The following PTPRD variants were observed in gnomAD, a reference collection of about 807,000 sequenced individuals.
The protein encoded by PTPRD is protein tyrosine phosphatase receptor type D.
PTPRD carries 34 observed loss-of-function variants against 214.5 expected under a neutral mutation model. That is an observed-to-expected ratio of 0.16 (90% CI 0.12 to 0.21). The LOEUF is 0.21. Ranked by LOEUF, PTPRD falls within the 10% of genes least tolerant of loss-of-function variation. The pLI is 1.00. For missense variants in PTPRD, 2,545 were observed against 2,398.7 expected (o/e 1.06, Z -1.27); for synonymous variants, 1,128 against 845.7 (o/e 1.33, Z -5.79).
intron 34 of PTPRD, among the ~76,000 whole-genome samples, chr9:8,444,847 G>C (rs1400081158): frequency 6.6e-6 from 1 of 152,114 alleles, no homozygotes; most frequent in Non-Finnish European, 1.5e-5. Context: ...CTTGCAAATG[G>C]GGCTAACACA....
intron 5 of PTPRD, among the ~76,000 whole-genome samples, chr9:9,914,440 T>A (rs1291108190): frequency 1.3e-5 from 2 of 152,154 alleles, no homozygotes; most frequent in East Asian, 1.9e-4. Flanking sequence ...TGTAGCCACG[T>A]CAGGGGCCTA....
chr9:8,518,131 G>T lies in PTPRD; in HGVS notation c.1260C>A (p.Ala420=), dbSNP rs911650043. The part of the protein sequence containing the change: ...TQTSEQAPSS[A]PRDVQARMLS... Reference sequence around the variant, plus strand: ...ACATTCGTGCCTGGACATCCCTCGGGGCACTGGATGGTGCTTGCTCTGAGG... The same window carrying T: ...ACATTCGTGCCTGGACATCCCTCGGTGCACTGGATGGTGCTTGCTCTGAGG... Residue 420 remains alanine, a synonymous_variant, in exon 21 of 46, where the codon GCC becomes GCA. Coordinates refer to ENST00000381196, the MANE Select transcript of PTPRD (RefSeq NM_002839.4). The T allele has an allele frequency of 6.2e-7, 1 of 1,614,132 alleles. No individual in the cohort carries two copies. Among genetic ancestry groups the T allele is most frequent in the Non-Finnish European group, 8.5e-7 (1 of 1,180,010 alleles).
At chr9:10,601,569 T>C (rs958718545) in intron 2 of PTPRD, among the ~76,000 whole-genome samples, 3 of 151,920 alleles carry the variant, frequency 2.0e-5, no homozygotes, top group South Asian at 2.1e-4. Context: ...ATGATTATAT[T>C]AAATATCTAG....
intron 2 of PTPRD, among the ~76,000 whole-genome samples, chr9:10,493,803 A>G (rs1442574281): frequency 6.6e-6 from 1 of 151,978 alleles, no homozygotes; most frequent in East Asian, 1.9e-4. Context: ...CAACTCTTTA[A>G]CTGTAATTTA....
chr9:8,483,797 AAAACAAAAAC>A (rs56340934), intron 30 of PTPRD, among the ~76,000 whole-genome samples: 33,166 of 150,512 alleles, frequency 0.22, 3,660 homozygotes, highest in East Asian at 0.27. Flanking sequence ...AACAAAAACA[AAAACAAAAAC>A]AAACAAACAA....
chr9:9,877,231 TC>T (rs2067150921), intron 5 of PTPRD, among the ~76,000 whole-genome samples: 1 of 152,176 alleles, frequency 6.6e-6, no homozygotes, highest in African/African-American at 2.4e-5. Flanking sequence ...TGCAGGTAAT[TC>T]TATATTTTTC....
At chr9:10,020,458 A>G (rs1452469954) in intron 4 of PTPRD, among the ~76,000 whole-genome samples, 1 of 101,278 alleles carries the variant, frequency 9.9e-6, no homozygotes, top group African/African-American at 3.0e-5. Flanking sequence ...TGCCGCCATC[A>G]CACCCAGCTA....
At chr9:9,635,052 A>G (rs1334308239) in intron 7 of PTPRD, among the ~76,000 whole-genome samples, 1 of 152,228 alleles carries the variant, frequency 6.6e-6, no homozygotes, top group Non-Finnish European at 1.5e-5. Context: ...AAGTTTGAGC[A>G]ATAGGACATA....
At chr9:9,044,424 C>G (rs942733110) in intron 10 of PTPRD, among the ~76,000 whole-genome samples, 1 of 152,178 alleles carries the variant, frequency 6.6e-6, no homozygotes, top group Non-Finnish European at 1.5e-5. Flanking sequence ...ACTGAGGACA[C>G]TTTTGCAGCA....
chr9:9,014,251 T>C (rs613578), intron 11 of PTPRD, among the ~76,000 whole-genome samples: 26,478 of 150,546 alleles, frequency 0.18, 2,816 homozygotes, highest in Middle Eastern at 0.26. Context: ...GCAAAGCTGA[T>C]ATCTTTGAAT....
chr9:9,693,464 T>C (rs1350606778), intron 7 of PTPRD, among the ~76,000 whole-genome samples: 2 of 152,162 alleles, frequency 1.3e-5, no homozygotes, highest in Non-Finnish European at 2.9e-5. Flanking sequence ...CCCCGCCATG[T>C]GCAACTATGA....
At chr9:10,508,423 G>T (rs199514243) in intron 2 of PTPRD, among the ~76,000 whole-genome samples, 2 of 152,106 alleles carry the variant, frequency 1.3e-5, no homozygotes, top group African/African-American at 2.4e-5. Context: ...AAATACCACT[G>T]GACCCAGCCA....
At position 10,504,219 on chromosome 9, in the gene PTPRD, T is replaced by C. The variant is rs540269926; in HGVS notation, c.-600+108179A>G. On this transcript the variant is annotated intron_variant, in intron 2 of 45. Coordinates refer to ENST00000381196, the MANE Select transcript of PTPRD (RefSeq NM_002839.4). ...GCGGTAACTATTGCTGTAACAGGTG[T>C]GATATATGCATCGAACTCTCTCCTA... 4.7e-5 allele frequency among the ~76,000 whole-genome samples: 7 copies of C among 148,244 alleles called. No individual in the cohort carries two copies. In the East Asian group the frequency reaches 1.4e-3, roughly 30 times the overall value.
At chr9:8,332,018 A>G (rs1040254445) in intron 43 of PTPRD, among the ~76,000 whole-genome samples, 4 of 152,156 alleles carry the variant, frequency 2.6e-5, no homozygotes, top group African/African-American at 9.7e-5. Context: ...AGCCATCCAC[A>G]TAGTTCCCCC....
Position 10,219,652 on chromosome 9 carries a change from T to A in PTPRD, c.-545+121311A>T, listed in dbSNP as rs144830104. ...TTTCCTATTAATCAAATAAATTTTT[T>A]AAAAAATTTATTTTTTAAACTTTAA... is the stretch of plus-strand genomic sequence containing the variant. On this transcript the variant is annotated intron_variant, in intron 3 of 45. Transcript: ENST00000381196. 8.5e-3 allele frequency among the ~76,000 whole-genome samples: 1,291 copies of A among 151,940 alleles called. 18 individuals carry two copies. The highest frequency in any genetic ancestry group is 0.029 in the African/African-American group (1,198 of 41,522).
intron 39 of PTPRD, among the ~76,000 whole-genome samples, chr9:8,345,852 T>C (rs1857092912): frequency 6.6e-6 from 1 of 152,050 alleles, no homozygotes; most frequent in African/African-American, 2.4e-5. Context: ...ATTCTCTACC[T>C]GCCTCTCTGG....
At chr9:9,739,933 G>C (rs867232279) in intron 6 of PTPRD, among the ~76,000 whole-genome samples, 14 of 151,884 alleles carry the variant, frequency 9.2e-5, no homozygotes, top group Admixed American at 3.9e-4. Flanking sequence ...TGTGTTTTAA[G>C]AAATTCCAAA....
chr9:8,373,439 A>G (rs564945497), intron 39 of PTPRD, among the ~76,000 whole-genome samples: 1 of 152,020 alleles, frequency 6.6e-6, no homozygotes, highest in African/African-American at 2.4e-5. Context: ...CCACCAATAT[A>G]CCTACTCTTC....
intron 10 of PTPRD, among the ~76,000 whole-genome samples, chr9:9,097,286 T>C (rs2099784871): frequency 6.6e-6 from 1 of 152,120 alleles, no homozygotes; most frequent in South Asian, 2.1e-4. Context: ...AATGAGGAGA[T>C]TCTGGTTGGG....
Sources: gnomAD v4.1 joint callset for allele counts (sites outside exome capture counted in the v4.1 genomes callset) on GRCh38, gnomAD v4.1.1 for gene constraint, MANE v1.5 for transcripts, NCBI Gene and HGNC (gene_info 2026-07-23, HGNC 2026-07-21) for gene names.